The following LRRC61 variants were observed in gnomAD, a reference collection of about 807,000 sequenced individuals.
LRRC61 encodes the protein leucine rich repeat containing 61.
In LRRC61, 9 loss-of-function variants were observed where a neutral mutation model predicts 15.1. That is an observed-to-expected ratio of 0.60 (90% CI 0.36 to 1.04). The LOEUF (loss-of-function observed/expected upper bound fraction) is 1.04, where lower values mean the gene tolerates loss of function less well. Ranked by LOEUF, LRRC61 falls within the 50% of genes least tolerant of loss-of-function variation. The probability of loss-of-function intolerance (pLI) is 0.01; values close to 1 mark genes in which losing one functional copy is unlikely to be tolerated. For missense variants in LRRC61, 344 were observed against 335.6 expected (o/e 1.03, Z -0.20); for synonymous variants, 173 against 158.6 (o/e 1.09, Z -0.68).
chr7:150,329,080 C>T (rs10247016), intron 2 of LRRC61, among the ~76,000 whole-genome samples: 15 of 152,002 alleles, frequency 9.9e-5, no homozygotes, highest in Admixed American at 9.2e-4. Flanking sequence ...TTTTCAAGGT[C>T]GGGGGGTTTC....
Position 150,338,075 on chromosome 7 carries a change from C to G in LRRC61, c.*434C>G, listed in dbSNP as rs1037200036. 1 of 465,486 alleles carries G rather than the reference C, an allele frequency of 2.1e-6. No homozygotes were observed. Among genetic ancestry groups the G allele is most frequent in the African/African-American group, 2.0e-5 (1 of 49,046 alleles). 28.8% of individuals were successfully genotyped at this position (465,486 alleles called of 1,614,324 possible). ...TGCAAATGTGCCTCTCCAGACTGCT[C>G]CTGCACTTACCCCCTCCCCGCAGCA... On this transcript the variant is annotated 3_prime_UTR_variant, in exon 3 of 3. Coordinates refer to ENST00000359623, the MANE Select transcript of LRRC61 (RefSeq NM_001142928.2).
At chr7:150,326,317 G>A (rs1426974017) in intron 2 of LRRC61, among the ~76,000 whole-genome samples, 9 of 152,230 alleles carry the variant, frequency 5.9e-5, no homozygotes, top group Admixed American at 5.9e-4. Flanking sequence ...TAGCATTTAT[G>A]ATGAGACAAA....
the LRRC61 span, among the ~76,000 whole-genome samples, chr7:150,314,988 T>C: frequency 1.3e-4 from 19 of 147,454 alleles, no homozygotes; most frequent in East Asian, 5.9e-4. Flanking sequence ...TTATTTTTAA[T>C]AATATTATTA....
In LRRC61 at chr7:150,330,477, A is replaced by G. The variant is rs1389340027; in HGVS notation, c.-145+4467A>G. The G allele has an allele frequency of 1.2e-5, 9 of 779,942 alleles. 1 individual carries two copies. The highest frequency in any genetic ancestry group is 4.5e-4 in the Middle Eastern group (2 of 4,462). The allele number at this position is 779,942 out of a possible 1,614,324, so 48.3% of individuals were successfully genotyped here. On this transcript the variant is annotated intron_variant, in intron 2 of 2. Coordinates refer to ENST00000359623, the MANE Select transcript of LRRC61 (RefSeq NM_001142928.2). This position sits in a 1 kb window ranked among gnomAD's most constrained non-coding sequence, Gnocchi z 4.6. ...GCTGCCCCAGCTGCGCTACCTGCACATCTTCCTGGAGCAGGTTCACACACA... is the reference window on the plus strand; with the variant it reads ...GCTGCCCCAGCTGCGCTACCTGCACGTCTTCCTGGAGCAGGTTCACACACA...
In LRRC61 at chr7:150,337,129, C is replaced by G. The variant is rs1798326916; in HGVS notation, c.268C>G (p.Leu90Val). ...TGTCTCCAACAATCGGCTGACGGGCCTGGAGCCACTGGCCACCTGTGAGAA... is the reference window on the plus strand; with the variant it reads ...TGTCTCCAACAATCGGCTGACGGGCGTGGAGCCACTGGCCACCTGTGAGAA... ...LNVSNNRLTG[L>V]EPLATCENLQ... The change falls in exon 3 of 3, where the codon CTG (leucine) becomes GTG (valine). Residue 90 changes from leucine to valine, a missense_variant. Physicochemically the swap from Leu to Val is conservative, Grantham distance 32. Transcript: ENST00000359623. The G allele has an allele frequency of 6.2e-7, 1 of 1,611,922 alleles. No individual in the cohort carries two copies. The highest frequency in any genetic ancestry group is 8.5e-7 in the Non-Finnish European group (1 of 1,179,956).
chr7:150,336,627 T>C, intron 2 of LRRC61, 91 bp from the exon 3 acceptor site: 1 of 586,714 alleles, frequency 1.7e-6, no homozygotes, highest in Non-Finnish European at 3.0e-6. Context: ...GATTGTTGGT[T>C]TTCATGGTAA....
intron 2 of LRRC61, chr7:150,331,966 C>G (rs1585045654): frequency 6.0e-6 from 1 of 167,090 alleles, no homozygotes. Flanking sequence ...AGCTGAGACG[C>G]CAGTCCTCAA....
chr7:150,330,710 C>T lies in LRRC61; in HGVS notation c.-145+4700C>T, dbSNP rs753595180. ...CCGACATTGACCACTGGAAGCAAGT[C>T]CTCGTGTACAAGGTGAAGGAGATTA... On this transcript the variant is annotated intron_variant, in intron 2 of 2. Coordinates refer to ENST00000359623, the MANE Select transcript of LRRC61 (RefSeq NM_001142928.2). The surrounding 1 kb of genome is among the most constrained non-coding windows in gnomAD (Gnocchi z 4.6). The T allele has an allele frequency of 6.4e-7, 1 of 1,557,188 alleles. No homozygotes were observed. Among genetic ancestry groups the T allele is most frequent in the Non-Finnish European group, 8.9e-7 (1 of 1,127,970 alleles).
chr7:150,316,675 G>A, the LRRC61 span, among the ~76,000 whole-genome samples: 2 of 152,028 alleles, frequency 1.3e-5, no homozygotes, highest in East Asian at 1.9e-4. Flanking sequence ...TAGTAGAGAC[G>A]GGGTTTCACC....
Position 150,330,236 on chromosome 7 carries a change from C to T in LRRC61, c.-145+4226C>T. Reference sequence around the variant, plus strand: ...TAGCCCACCAGCCCTTTGAGGAGCTCTTGGACCACTGGGTCTCGGCCTACC... The same window carrying T: ...TAGCCCACCAGCCCTTTGAGGAGCTTTTGGACCACTGGGTCTCGGCCTACC... On this transcript the variant is annotated intron_variant, in intron 2 of 2. Transcript: ENST00000359623. This position sits in a 1 kb window ranked among gnomAD's most constrained non-coding sequence, Gnocchi z 4.6. The T allele has an allele frequency of 1.6e-6, 1 of 610,796 alleles. No homozygotes were observed. Among genetic ancestry groups the T allele is most frequent in the African/African-American group, 1.8e-5 (1 of 54,274 alleles). 37.8% of individuals were successfully genotyped at this position (610,796 alleles called of 1,614,324 possible). A position where few individuals can be genotyped will look rare whatever the true frequency, so the allele number is the denominator to read the frequency against.
At chr7:150,312,160 C>A in the LRRC61 span, among the ~76,000 whole-genome samples, 8 of 152,206 alleles carry the variant, frequency 5.3e-5, no homozygotes, top group African/African-American at 1.9e-4. Context: ...GCCCCCACTC[C>A]AGAAGGCCAG....
At position 150,336,732 on chromosome 7, in the gene LRRC61, C is replaced by G. The variant is rs1050003104; in HGVS notation, c.-130C>G. 2 of 1,284,190 alleles carry G rather than the reference C, an allele frequency of 1.6e-6. No homozygotes were observed. The highest frequency in any genetic ancestry group is 3.0e-5 in the African/African-American group (2 of 67,316). 79.5% of individuals were successfully genotyped at this position (1,284,190 alleles called of 1,614,324 possible). A position where few individuals can be genotyped will look rare whatever the true frequency, so the allele number is the denominator to read the frequency against. On this transcript the variant is annotated 5_prime_UTR_variant, in exon 3 of 3. Coordinates refer to ENST00000359623, the MANE Select transcript of LRRC61 (RefSeq NM_001142928.2). ...TCTCTCCTCAGGGACTGGCTGGCTT[C>G]GAGCAGGGCATCGGAACCAGGCCTC...
At chr7:150,315,058 T>G in the LRRC61 span, among the ~76,000 whole-genome samples, 1 of 147,388 alleles carries the variant, frequency 6.8e-6, no homozygotes, top group Admixed American at 6.8e-5. Context: ...TTTTATTATT[T>G]TATTATTAAA....
chr7:150,330,156 G>GGCTC lies in LRRC61; in HGVS notation c.-145+4147_-145+4150dup. ...CAGGGCCACCTGCAGCCATTTCTAA[G>GGCTC]GCTCTGTGGAGGCCCAGGGACTCCT... On this transcript the variant is annotated intron_variant, in intron 2 of 2. Transcript: ENST00000359623. This position sits in a 1 kb window ranked among gnomAD's most constrained non-coding sequence, Gnocchi z 4.6. 1.8e-6 allele frequency: 1 copy of GGCTC among 561,054 alleles called. No homozygotes were observed. Among genetic ancestry groups the GGCTC allele is most frequent in the South Asian group, 2.2e-5 (1 of 46,392 alleles). 34.8% of individuals were successfully genotyped at this position (561,054 alleles called of 1,614,324 possible). A position where few individuals can be genotyped will look rare whatever the true frequency, so the allele number is the denominator to read the frequency against.
In LRRC61 at chr7:150,335,347, T is replaced by C. The variant is rs1050745861; in HGVS notation, c.-144-1371T>C. ...TGCTTCCAGTCTCTTTTGGAAAGTA[T>C]ATATAAATATTTGAGGTATAAATAA... On this transcript the variant is annotated intron_variant, in intron 2 of 2. Transcript: ENST00000359623. This position sits in a 1 kb window ranked among gnomAD's most constrained non-coding sequence, Gnocchi z 4.3. 2.0e-5 allele frequency among the ~76,000 whole-genome samples: 3 copies of C among 152,208 alleles called. No homozygotes were observed. Among genetic ancestry groups the C allele is most frequent in the African/African-American group, 7.2e-5 (3 of 41,452 alleles).
the LRRC61 span, among the ~76,000 whole-genome samples, chr7:150,314,254 C>T: frequency 3.9e-5 from 6 of 152,232 alleles, no homozygotes; most frequent in Non-Finnish European, 8.8e-5. Context: ...GAACAGTTGT[C>T]AGCCTTGTTC....
the LRRC61 span, among the ~76,000 whole-genome samples, chr7:150,310,691 C>G: frequency 0.041 from 6,175 of 152,214 alleles, 416 homozygotes; most frequent in African/African-American, 0.14. Flanking sequence ...GTCCCAGCAA[C>G]TCACCTGGAC....
chr7:150,318,502 G>A (rs1173896011), upstream of LRRC61, among the ~76,000 whole-genome samples: 2 of 152,158 alleles, frequency 1.3e-5, no homozygotes, highest in African/African-American at 4.8e-5. Context: ...GGTGGCTCAC[G>A]CCTGTAATCC....
intron 2 of LRRC61, chr7:150,328,631 T>TAGTTACCGTGATACTGAATCAGCGC (rs1798017341): frequency 6.6e-6 from 1 of 152,182 alleles, no homozygotes; most frequent in Non-Finnish European, 1.5e-5. Context: ...CCTTTTCTCC[T>TAGTTACCGTGATACTGAATCAGCGC]TAGTTACCGT....
Sources: gnomAD v4.1 joint callset for allele counts (sites outside exome capture counted in the v4.1 genomes callset) on GRCh38, gnomAD v4.1.1 for gene constraint, Gnocchi (gnomAD v3.1) non-coding constraint, MANE v1.5 for transcripts, NCBI Gene and HGNC (gene_info 2026-07-23, HGNC 2026-07-21) for gene names.